Variants in PIK3R4 observed in about 807,000 individuals in gnomAD.
PIK3R4 encodes phosphoinositide-3-kinase regulatory subunit 4, also known as phosphoinositide 3-kinase regulatory subunit 4.
A neutral mutation model predicts 136.5 loss-of-function variants in PIK3R4; 46 were observed. The observed-to-expected ratio is 0.34, with a 90% CI of 0.27 to 0.43. The LOEUF (loss-of-function observed/expected upper bound fraction) is 0.43, where lower values mean the gene tolerates loss of function less well. Ranked by LOEUF, PIK3R4 falls within the 20% of genes least tolerant of loss-of-function variation. PIK3R4 has a pLI of 1.00. For missense variants in PIK3R4, 1,331 were observed against 1,649.5 expected (o/e 0.81, Z 3.35); for synonymous variants, 557 against 566.7 (o/e 0.98, Z 0.24).
chr3:130,707,326 C>G (rs1021023360), intron 10 of PIK3R4, among the ~76,000 whole-genome samples, 191 bp from the exon 11 acceptor site: 24 of 152,194 alleles, frequency 1.6e-4, no homozygotes, highest in African/African-American at 5.5e-4. Flanking sequence ...ATTTCTAGGG[C>G]AGATGGAACA....
intron 13 of PIK3R4, among the ~76,000 whole-genome samples, chr3:130,702,935 T>C (rs2066582945): frequency 6.6e-6 from 1 of 152,196 alleles, no homozygotes; most frequent in Non-Finnish European, 1.5e-5. Flanking sequence ...TTCCATCTAA[T>C]CCATTCATTC....
intron 10 of PIK3R4, 32 bp downstream of exon 10, chr3:130,708,259 C>G (rs760473969): frequency 1.9e-6 from 3 of 1,539,498 alleles, no homozygotes; most frequent in Non-Finnish European, 2.7e-6. Flanking sequence ...CTAACAACAA[C>G]AAGCTACACA....
intron 7 of PIK3R4, 61 bp downstream of exon 7, chr3:130,723,353 T>TA: frequency 7.1e-7 from 1 of 1,416,816 alleles, no homozygotes; most frequent in South Asian, 1.3e-5. Flanking sequence ...TTCTTTATAT[T>TA]ACCTAGAAAT....
rs2066844727 is a variant in PIK3R4 at position 130,744,987 on chromosome 3, G to A, written c.232C>T (p.Leu78Phe). The part of the protein sequence containing the change: ...KQELEELKIR[L>F]NSAQNCLPFQ... Reference sequence around the variant, plus strand: ...GGTAGACAATTCTGTGCAGAATTAAGCCTGATTTTCAGTTCCTCCAGCTCT... The same window carrying A: ...GGTAGACAATTCTGTGCAGAATTAAACCTGATTTTCAGTTCCTCCAGCTCT... The change falls in exon 2 of 20, where the codon CTT (leucine) becomes TTT (phenylalanine). Residue 78 changes from leucine (L) to phenylalanine (F), a missense_variant. Leu to Phe is a conservative substitution (Grantham distance 22, BLOSUM62 0). Coordinates refer to ENST00000356763, the MANE Select transcript of PIK3R4 (RefSeq NM_014602.3). The A allele has an allele frequency of 6.2e-7, 1 of 1,613,938 alleles. No homozygotes were observed.
At chr3:130,696,406 AT>A (rs2066546758) in intron 13 of PIK3R4, among the ~76,000 whole-genome samples, 1 of 151,946 alleles carries the variant, frequency 6.6e-6, no homozygotes, top group Non-Finnish European at 1.5e-5. Context: ...ACAGTGATAA[AT>A]TTCCCTTTTA....
chr3:130,691,088 G>T (rs2066515823), intron 13 of PIK3R4, among the ~76,000 whole-genome samples: 1 of 151,872 alleles, frequency 6.6e-6, no homozygotes, highest in Non-Finnish European at 1.5e-5. Flanking sequence ...TAGAGATGGG[G>T]TTTCGCCATG....
At chr3:130,719,050 G>A (rs923240120) in intron 7 of PIK3R4, among the ~76,000 whole-genome samples, 4 of 152,100 alleles carry the variant, frequency 2.6e-5, no homozygotes, top group African/African-American at 7.2e-5. Flanking sequence ...TTTTAATGCA[G>A]GAGTTTGATC....
intron 2 of PIK3R4, among the ~76,000 whole-genome samples, chr3:130,739,763 G>C (rs1324457493): frequency 6.6e-6 from 1 of 152,282 alleles, no homozygotes; most frequent in Middle Eastern, 3.4e-3. Flanking sequence ...AATTTGGGAA[G>C]ACTTTGACCA....
chr3:130,688,517 C>T (rs1185290935), intron 14 of PIK3R4, among the ~76,000 whole-genome samples: 2 of 152,174 alleles, frequency 1.3e-5, no homozygotes, highest in Non-Finnish European at 2.9e-5. Context: ...TTAAATTTTA[C>T]ATACATTTAA....
rs1376252283 is a variant in PIK3R4, at chr3:130,735,977, T to C, written c.759A>G (p.Thr253=). The C allele has an allele frequency of 2.5e-6, 4 of 1,610,606 alleles. No homozygotes were observed. Among genetic ancestry groups the C allele is most frequent in the South Asian group, 1.1e-5 (1 of 90,272 alleles). The change falls in exon 3 of 20, where the codon ACA becomes ACG. Residue 253 remains threonine, a synonymous_variant. Coordinates refer to ENST00000356763, the MANE Select transcript of PIK3R4 (RefSeq NM_014602.3). The part of the protein sequence containing the change: ...SAGCVIAELF[T]EGVPLFDLSQ... ...AGAGATCAAATAATGGTACACCTTC[T>C]GTAAAAAGCTCAGCTATCACACAAC...
chr3:130,691,317 T>C (rs867575076), intron 13 of PIK3R4, among the ~76,000 whole-genome samples: 1 of 152,340 alleles, frequency 6.6e-6, no homozygotes, highest in South Asian at 2.1e-4. Context: ...CTTAACCAGT[T>C]GTATGCCTCA....
At chr3:130,705,462 T>TA in intron 12 of PIK3R4, 99 bp downstream of exon 12, 1 of 754,790 alleles carries the variant, frequency 1.3e-6, no homozygotes, top group Admixed American at 2.5e-5. Flanking sequence ...TTTTTGTTCT[T>TA]ACCTCTTTTG....
At chr3:130,738,973 A>T (rs1428098253) in intron 2 of PIK3R4, among the ~76,000 whole-genome samples, 2 of 152,262 alleles carry the variant, frequency 1.3e-5, no homozygotes, top group Non-Finnish European at 2.9e-5. Flanking sequence ...AACCATCATA[A>T]CAAAAATTCA....
intron 12 of PIK3R4, 127 bp downstream of exon 12, chr3:130,705,434 T>C (rs1288505372): frequency 7.6e-6 from 5 of 659,884 alleles, no homozygotes; most frequent in Non-Finnish European, 1.3e-5. Flanking sequence ...CTTCTTCTTC[T>C]GGGTTTCCCA....
intron 13 of PIK3R4, among the ~76,000 whole-genome samples, chr3:130,702,350 A>G (rs2066579168): frequency 6.6e-6 from 1 of 152,162 alleles, no homozygotes; most frequent in Non-Finnish European, 1.5e-5. Flanking sequence ...CCACGGACCT[A>G]GGAGTCTTTA....
intron 13 of PIK3R4, among the ~76,000 whole-genome samples, chr3:130,691,370 C>T (rs1235326061): frequency 6.6e-6 from 1 of 152,212 alleles, no homozygotes; most frequent in South Asian, 2.1e-4. Flanking sequence ...TTTCCCTAAC[C>T]GGACCATAGG....
At chr3:130,700,054 T>C (rs2066567060) in intron 13 of PIK3R4, among the ~76,000 whole-genome samples, 1 of 152,228 alleles carries the variant, frequency 6.6e-6, no homozygotes, top group African/African-American at 2.4e-5. Context: ...GCCTACATAT[T>C]CTTTTCATAA....
intron 2 of PIK3R4, among the ~76,000 whole-genome samples, chr3:130,737,616 G>T: frequency 6.6e-6 from 1 of 151,996 alleles, no homozygotes; most frequent in Middle Eastern, 3.4e-3. Context: ...GCAGAGATCG[G>T]GCCACTACAC....
Position 130,733,626 on chromosome 3 carries a change from T to A in PIK3R4, c.1372A>T (p.Ile458Phe). 1 of 1,614,126 alleles carries A rather than the reference T, an allele frequency of 6.2e-7. No homozygotes were observed. Among genetic ancestry groups the A allele is most frequent in the South Asian group, 1.1e-5 (1 of 91,086 alleles). Residue 458 changes from isoleucine to phenylalanine, a missense_variant, in exon 4 of 20, where the codon ATT becomes TTT. By Grantham distance (21) the Ile-to-Phe change is conservative (BLOSUM62 0). This residue lies in a region of PIK3R4 where 1,180 missense variants were observed against 1,407.0 expected (regional missense o/e 0.84). Coordinates refer to ENST00000356763, the MANE Select transcript of PIK3R4 (RefSeq NM_014602.3). ...VKEVPRNDIN[I>F]YPEYILPGIA... is the part of the protein sequence containing the mutation. ...CCTGGCAGAATGTATTCCGGATAAA[T>A]ATTGATATCATTACGAGGAACCTCT...
Sources: gnomAD v4.1 joint callset for allele counts (sites outside exome capture counted in the v4.1 genomes callset) on GRCh38, gnomAD v4.1.1 for gene constraint, gnomAD v4.1.1 regional missense constraint, MANE v1.5 for transcripts, NCBI Gene and HGNC (gene_info 2026-07-23, HGNC 2026-07-21) for gene names.